PITPNC1: variants seen among roughly 807,000 people sequenced by gnomAD.
PITPNC1 encodes phosphatidylinositol transfer protein cytoplasmic 1.
PITPNC1 carries 18 observed loss-of-function variants against 44.7 expected under a neutral mutation model. The ratio of observed to expected loss-of-function variants is 0.40; its 90% CI spans 0.28 to 0.60. PITPNC1 has a LOEUF of 0.60. Ranked by LOEUF, PITPNC1 falls within the 20% of genes least tolerant of loss-of-function variation. The pLI, the probability that PITPNC1 is intolerant of heterozygous loss-of-function variation, is 0.39. For synonymous variants in PITPNC1, 141 were observed against 149.6 expected (o/e 0.94, Z 0.42); for missense variants, 290 against 418.4 (o/e 0.69, Z 2.68).
chr17:67,492,733 C>T (rs2039881109), intron 1 of PITPNC1, among the ~76,000 whole-genome samples: 1 of 152,134 alleles, frequency 6.6e-6, no homozygotes, highest in South Asian at 2.1e-4. Context: ...GGTTTTATGC[C>T]ATTTGAACAT....
intron 6 of PITPNC1, among the ~76,000 whole-genome samples, chr17:67,658,461 T>C (rs138694429): frequency 0.014 from 2,145 of 152,328 alleles, 23 homozygotes; most frequent in Middle Eastern, 0.031. Flanking sequence ...CTCAGCCATA[T>C]TAGGGGACTT....
chr17:67,502,715 G>A (rs560928886), intron 1 of PITPNC1, among the ~76,000 whole-genome samples: 43 of 150,050 alleles, frequency 2.9e-4, no homozygotes, highest in Non-Finnish European at 5.2e-4. Context: ...GAGGAAGTTT[G>A]TGTGAAGTAA....
At chr17:67,653,952 T>C (rs1567760499) in intron 6 of PITPNC1, among the ~76,000 whole-genome samples, 1 of 152,120 alleles carries the variant, frequency 6.6e-6, no homozygotes, top group African/African-American at 2.4e-5. Flanking sequence ...CATCCTGCCA[T>C]TGGGAGGTGG....
intron 1 of PITPNC1, among the ~76,000 whole-genome samples, chr17:67,490,489 T>C (rs1254905601): frequency 6.6e-6 from 1 of 151,722 alleles, no homozygotes; most frequent in African/African-American, 2.4e-5. Flanking sequence ...AATGAACAGG[T>C]GGAATTGATG....
chr17:67,397,813 G>A (rs958958540), intron 1 of PITPNC1, among the ~76,000 whole-genome samples: 10 of 152,180 alleles, frequency 6.6e-5, no homozygotes, highest in South Asian at 2.1e-4. Flanking sequence ...AGGGTTCAAG[G>A]CCAGGTGCGG....
At chr17:67,413,432 T>TC (rs11275459) in intron 1 of PITPNC1, among the ~76,000 whole-genome samples, 8 of 151,902 alleles carry the variant, frequency 5.3e-5, no homozygotes, top group African/African-American at 7.3e-5. Flanking sequence ...TTTCTTTCTT[T>TC]TTGGAAAAGT....
intron 5 of PITPNC1, chr17:67,611,878 A>C (rs2041691614): frequency 6.6e-6 from 1 of 152,182 alleles, no homozygotes; most frequent in Non-Finnish European, 1.5e-5. Flanking sequence ...TAATGGTTCA[A>C]CCTTTCTTGG....
intron 6 of PITPNC1, chr17:67,638,154 G>A (rs931421075): frequency 5.3e-5 from 8 of 152,244 alleles, no homozygotes; most frequent in African/African-American, 1.7e-4. Context: ...AGATCCCAGC[G>A]GAGGAATGAG....
At chr17:67,431,954 C>A (rs763247912) in intron 1 of PITPNC1, among the ~76,000 whole-genome samples, 1 of 152,200 alleles carries the variant, frequency 6.6e-6, no homozygotes, top group African/African-American at 2.4e-5. Context: ...CAGCACGGAC[C>A]ACAGCCATAT....
chr17:67,464,792 T>A (rs941409787), intron 1 of PITPNC1, among the ~76,000 whole-genome samples: 1 of 151,272 alleles, frequency 6.6e-6, no homozygotes. Flanking sequence ...CAGGCTGGAG[T>A]GCAGTGGTGC....
chr17:67,531,944 A>C (rs1336513405), intron 1 of PITPNC1, among the ~76,000 whole-genome samples: 2 of 152,168 alleles, frequency 1.3e-5, no homozygotes, highest in African/African-American at 4.8e-5. Flanking sequence ...TGCCACTTCG[A>C]AAGTCCACTG....
intron 2 of PITPNC1, among the ~76,000 whole-genome samples, chr17:67,533,572 G>A (rs1448138215): frequency 1.3e-5 from 2 of 152,228 alleles, no homozygotes; most frequent in Admixed American, 6.5e-5. Context: ...GAAAGAGACG[G>A]TGCTGCCTAT....
In PITPNC1 at chr17:67,447,219, C is replaced by T. The variant is rs950561936; in HGVS notation, c.48+69017C>T. 4.6e-5 allele frequency among the ~76,000 whole-genome samples: 7 copies of T among 151,564 alleles called. No individual in the cohort carries two copies. The East Asian group carries it at 9.6e-4, about 21-fold the overall frequency. On this transcript the variant is annotated intron_variant, in intron 1 of 8. Transcript: ENST00000581322. The stretch of plus-strand genomic sequence containing the variant: ...TCACTCCTTATCTATGACAGACATC[C>T]GAACCCCTAGCTCGTTCCTTGGAAT...
At chr17:67,473,127 T>C (rs931805480) in intron 1 of PITPNC1, among the ~76,000 whole-genome samples, 9 of 151,974 alleles carry the variant, frequency 5.9e-5, no homozygotes, top group Admixed American at 1.3e-4. Flanking sequence ...CCACCCGCCT[T>C]GGCCTCCCAA....
At chr17:67,569,076 C>T (rs989774965) in intron 4 of PITPNC1, among the ~76,000 whole-genome samples, 6 of 149,956 alleles carry the variant, frequency 4.0e-5, no homozygotes, top group African/African-American at 9.8e-5. Flanking sequence ...CAGCCACTAT[C>T]GTCTCTCTCC....
chr17:67,395,024 A>G (rs1424599937), intron 1 of PITPNC1, among the ~76,000 whole-genome samples: 1 of 152,174 alleles, frequency 6.6e-6, no homozygotes, highest in Non-Finnish European at 1.5e-5. Context: ...GTGAGACCCC[A>G]TATCTATTTA....
chr17:67,383,447 C>G (rs142717431), intron 1 of PITPNC1, among the ~76,000 whole-genome samples: 1 of 152,196 alleles, frequency 6.6e-6, no homozygotes, highest in Non-Finnish European at 1.5e-5. Flanking sequence ...ACTGGCTCTA[C>G]TCTCTAGTTG....
rs1414132137 is a variant in PITPNC1, at chr17:67,632,406, C to T, written c.462+168C>T. Reference sequence around the variant, plus strand: ...GCAAGTCTCAAAATTAAGTCTCTAACTCTTCAGGGACCATCATTGGCCCTG... The same window carrying T: ...GCAAGTCTCAAAATTAAGTCTCTAATTCTTCAGGGACCATCATTGGCCCTG... On this transcript the variant is annotated intron_variant, in intron 6 of 8. Coordinates refer to ENST00000581322, the MANE Select transcript of PITPNC1 (RefSeq NM_012417.4). The T allele has an allele frequency of 3.3e-5, 20 of 606,246 alleles. No homozygotes were observed. The Middle Eastern group carries it at 1.1e-3, about 34-fold the overall frequency. 37.6% of individuals were successfully genotyped at this position (606,246 alleles called of 1,614,324 possible).
intron 7 of PITPNC1, among the ~76,000 whole-genome samples, chr17:67,670,906 G>A (rs548219510): frequency 1.2e-4 from 18 of 152,082 alleles, no homozygotes; most frequent in Admixed American, 2.0e-4. Flanking sequence ...GTTTTGAGAC[G>A]GAGTCTCACT....
Sources: allele counts gnomAD v4.1 joint callset (sites outside exome capture counted in the v4.1 genomes callset), GRCh38; gene constraint gnomAD v4.1.1; transcripts MANE v1.5; gene names NCBI Gene and HGNC (gene_info 2026-07-23, HGNC 2026-07-21).